The following UAP1 variants were observed in gnomAD, a reference collection of about 807,000 sequenced individuals.
UAP1 encodes the protein UDP-N-acetylhexosamine pyrophosphorylase.
Under a neutral mutation model 58.5 loss-of-function variants are expected in UAP1, and 25 were observed. That is an observed-to-expected ratio of 0.43 (90% CI 0.31 to 0.60). The LOEUF (loss-of-function observed/expected upper bound fraction) is 0.60, where lower values mean the gene tolerates loss of function less well. Among genes scored for constraint, UAP1 ranks in the 20% least tolerant of loss-of-function variants. The probability of loss-of-function intolerance (pLI) is 0.11; values close to 1 mark genes in which losing one functional copy is unlikely to be tolerated. For synonymous variants in UAP1, 208 were observed against 213.0 expected (o/e 0.98, Z 0.21); for missense variants, 575 against 630.0 (o/e 0.91, Z 0.93).
Position 162,587,378 on chromosome 1 carries a change from T to C in UAP1, c.835-97T>C, listed in dbSNP as rs188389540. On this transcript the variant is annotated intron_variant, in intron 5 of 10. Coordinates refer to ENST00000271469, the Ensembl canonical transcript of UAP1. ...TTCTTCTTGGCTTTATACCTTTTAGTGTAAGCAAAGTTGTAAATGTCATCT... is the reference window on the plus strand; with the variant it reads ...TTCTTCTTGGCTTTATACCTTTTAGCGTAAGCAAAGTTGTAAATGTCATCT... 384 of 1,155,248 alleles carry C rather than the reference T, an allele frequency of 3.3e-4. 3 individuals are homozygous for C. In the African/African-American group the frequency reaches 5.0e-3, roughly 15 times the overall value. The allele number at this position is 1,155,248 out of a possible 1,614,324, so 71.6% of individuals were successfully genotyped here.
chr1:162,587,033 A>G (rs1654940345), intron 5 of UAP1, among the ~76,000 whole-genome samples: 1 of 152,218 alleles, frequency 6.6e-6, no homozygotes, highest in African/African-American at 2.4e-5. Flanking sequence ...GCAATAGAAA[A>G]TGAGAGACAA....
chr1:162,564,470 G>C (rs1459941700), intron 1 of UAP1, among the ~76,000 whole-genome samples: 1 of 152,122 alleles, frequency 6.6e-6, no homozygotes, highest in Non-Finnish European at 1.5e-5. Context: ...CTCTCACATC[G>C]AAGCAATTAT....
intron 9 of UAP1, chr1:162,593,388 A>C (rs1655436675): frequency 6.6e-6 from 1 of 152,212 alleles, no homozygotes; most frequent in Non-Finnish European, 1.5e-5. Flanking sequence ...GTACTGACAG[A>C]GTTTGGAAAA....
rs969828865 is a variant in UAP1, at chr1:162,572,204, G to A, written c.281-4573G>A. 1.6e-4 allele frequency among the ~76,000 whole-genome samples: 25 copies of A among 152,280 alleles called. 2 individuals are homozygous for A. Among genetic ancestry groups the A allele is most frequent in the Admixed American group, 5.9e-4 (9 of 15,292 alleles). ...GAGATGGAAAGAAGCACTAAAGAGC[G>A]AACAGGAGTTTAGGAAACAAACACA... On this transcript the variant is annotated intron_variant, in intron 2 of 10. Transcript: ENST00000271469.
chr1:162,574,946 A>C (rs1654083151), intron 2 of UAP1, among the ~76,000 whole-genome samples: 1 of 152,258 alleles, frequency 6.6e-6, no homozygotes, highest in African/African-American at 2.4e-5. Flanking sequence ...TTTATTGCTG[A>C]ATATTCAACT....
At chr1:162,575,321 G>C (rs1443077976) in intron 2 of UAP1, among the ~76,000 whole-genome samples, 1 of 152,058 alleles carries the variant, frequency 6.6e-6, no homozygotes, top group Non-Finnish European at 1.5e-5. Flanking sequence ...CTCCCGCCTT[G>C]GCCTTCCAAA....
chr1:162,591,524 C>A (rs1655308615), intron 8 of UAP1, among the ~76,000 whole-genome samples: 1 of 152,170 alleles, frequency 6.6e-6, no homozygotes, highest in South Asian at 2.1e-4. Flanking sequence ...TCACTCTTGT[C>A]ACCCAGGCTG....
chr1:162,566,784 G>T (rs896648248), intron 2 of UAP1, among the ~76,000 whole-genome samples: 3 of 151,924 alleles, frequency 2.0e-5, no homozygotes, highest in African/African-American at 7.2e-5. Flanking sequence ...GCACTACCAC[G>T]CCTGGCTAAT....
intron 7 of UAP1, 31 bp downstream of exon 7, chr1:162,588,864 A>G (rs1211162787): frequency 6.3e-7 from 1 of 1,575,386 alleles, no homozygotes; most frequent in Non-Finnish European, 8.6e-7. Context: ...ATAAGGTTAA[A>G]TAAATGTCTT....
downstream of UAP1, among the ~76,000 whole-genome samples, chr1:162,601,169 T>C (rs753659278): frequency 1.8e-4 from 27 of 152,234 alleles, no homozygotes; most frequent in Admixed American, 6.5e-4. Context: ...ATAATTGTTA[T>C]AATTCAGAAA....
At chr1:162,565,718 G>A (rs765384901) in intron 1 of UAP1, among the ~76,000 whole-genome samples, 22 of 152,140 alleles carry the variant, frequency 1.4e-4, no homozygotes, top group South Asian at 8.3e-4. Flanking sequence ...CCACTCACTG[G>A]TTAGGTTACT....
chr1:162,591,160 T>C (rs1655285064), intron 8 of UAP1, among the ~76,000 whole-genome samples: 1 of 152,048 alleles, frequency 6.6e-6, no homozygotes, highest in South Asian at 2.1e-4. Flanking sequence ...CTCCTGACCT[T>C]GTGATCCACC....
At chr1:162,571,317 C>T (rs1018867880) in intron 2 of UAP1, among the ~76,000 whole-genome samples, 23 of 151,758 alleles carry the variant, frequency 1.5e-4, no homozygotes, top group Admixed American at 3.9e-4. Flanking sequence ...TTAGTAGAGA[C>T]GGGGGTTTCA....
intron 2 of UAP1, among the ~76,000 whole-genome samples, chr1:162,574,559 T>C (rs1273598477): frequency 2.0e-5 from 3 of 152,266 alleles, no homozygotes; most frequent in Non-Finnish European, 4.4e-5. Context: ...TGGCTTAGCC[T>C]ATAATTGTGG....
chr1:162,582,961 C>T (rs920863127), intron 5 of UAP1, among the ~76,000 whole-genome samples: 58 of 146,840 alleles, frequency 3.9e-4, no homozygotes, highest in Non-Finnish European at 3.9e-4. Context: ...TGTTCCAATA[C>T]TCTGTGAGTA....
At chr1:162,599,295 A>G (rs1002143882) in exon 11 of UAP1, 1 of 1,612,634 alleles carries the variant, frequency 6.2e-7, no homozygotes, top group African/African-American at 1.3e-5. Context: ...TGTGGCAGAT[A>G]AAGAATTCCA....
intron 6 of UAP1, chr1:162,588,030 AT>A (rs1655013294): frequency 6.1e-6 from 1 of 164,662 alleles, no homozygotes; most frequent in Non-Finnish European, 1.3e-5. Context: ...CACCAACTGA[AT>A]TAGAATTTCA....
exon 8 of UAP1, chr1:162,590,435 C>T (rs749826575): frequency 6.2e-7 from 1 of 1,613,216 alleles, no homozygotes; most frequent in Non-Finnish European, 8.5e-7. Context: ...TTTGATGTCC[C>T]TTCATCATTG....
chr1:162,561,867 C>T (rs572181481), intron 1 of UAP1, 90 bp downstream of exon 1: 5 of 152,456 alleles, frequency 3.3e-5, no homozygotes, highest in Admixed American at 1.3e-4. Context: ...CGGCCACGCG[C>T]TCAGACGTGG....
Sources: gnomAD v4.1 joint callset for allele counts (sites outside exome capture counted in the v4.1 genomes callset) on GRCh38, gnomAD v4.1.1 for gene constraint, MANE v1.5 for transcripts, NCBI Gene and HGNC (gene_info 2026-07-23, HGNC 2026-07-21) for gene names.